Variants in KLHDC4 observed in about 807,000 individuals in gnomAD.
KLHDC4 encodes the protein kelch domain-containing protein 4.
KLHDC4 carries 90 observed loss-of-function variants against 62.4 expected under a neutral mutation model. The ratio of observed to expected loss-of-function variants is 1.44; its 90% CI spans 1.22 to 1.72. The LOEUF (loss-of-function observed/expected upper bound fraction) is 1.72. KLHDC4 is among the 40% of genes most tolerant of loss of function. The probability of loss-of-function intolerance (pLI) is 0.00; values close to 1 mark genes in which losing one functional copy is unlikely to be tolerated. For synonymous variants in KLHDC4, 386 were observed against 284.4 expected, an observed-to-expected ratio of 1.36 and a Z score of -3.59; for missense variants, 1,025 against 699.7, an observed-to-expected ratio of 1.47 and a Z score of -5.25.
At chr16:87,707,620 G>GA (rs2034909372), downstream of KLHDC4, among the ~76,000 whole-genome samples, 3 of 152,202 alleles carry the variant, frequency 2.0e-5, no homozygotes, top group African/African-American at 7.2e-5. Flanking sequence ...TTTGCAGAAG[G>GA]AAAGGCTCAC....
chr16:87,763,169 A>AC (rs1471317636), intron 1 of KLHDC4, among the ~76,000 whole-genome samples: 3 of 152,228 alleles, frequency 2.0e-5, no homozygotes, highest in Non-Finnish European at 2.9e-5. Flanking sequence ...ATAAAGTGTC[A>AC]CCCACATGTA....
At chr16:87,714,398 G>T in intron 8 of KLHDC4, 100 bp downstream of exon 8, 1 of 1,479,096 alleles carries the variant, frequency 6.8e-7, no homozygotes, top group Non-Finnish European at 9.0e-7. Context: ...GCAGGGTGCA[G>T]GGGCTCACCG....
chr16:87,716,911 G>T (rs543765045), intron 7 of KLHDC4, among the ~76,000 whole-genome samples: 8 of 152,198 alleles, frequency 5.3e-5, no homozygotes, highest in Admixed American at 3.9e-4. Context: ...CAGCCTGGGC[G>T]ACAGAGCGAG....
exon 1 of KLHDC4, chr16:87,701,383 A>G: frequency 3.1e-6 from 1 of 321,400 alleles, no homozygotes; most frequent in Non-Finnish European, 6.2e-6. Flanking sequence ...CCCAAGCTTC[A>G]GCCCACCCAT....
At chr16:87,701,645 C>A (rs1291355839) in exon 1 of KLHDC4, 1 of 452,860 alleles carries the variant, frequency 2.2e-6, no homozygotes. Context: ...TACCTCACTG[C>A]CACTCGTCCG....
intron 1 of KLHDC4, among the ~76,000 whole-genome samples, chr16:87,762,725 T>G (rs1428854565): frequency 6.6e-6 from 1 of 152,146 alleles, no homozygotes; most frequent in Admixed American, 6.5e-5. Flanking sequence ...GGTACTGATG[T>G]GCCAGCACAG....
At chr16:87,727,098 T>C (rs530072658) in intron 6 of KLHDC4, among the ~76,000 whole-genome samples, 174 bp from the exon 7 acceptor site, 65 of 152,296 alleles carry the variant, frequency 4.3e-4, no homozygotes, top group African/African-American at 1.5e-3. Flanking sequence ...ACGTGGCCGC[T>C]TTCCCTGCAA....
At chr16:87,736,200 G>A (rs1314862310) in intron 5 of KLHDC4, among the ~76,000 whole-genome samples, 1 of 152,136 alleles carries the variant, frequency 6.6e-6, no homozygotes, top group Admixed American at 6.5e-5. Flanking sequence ...ATGCTTATAG[G>A]CTACAAACCT....
At chr16:87,727,065 CCAACA>C in intron 6 of KLHDC4, 141 bp from the exon 7 acceptor site, 2 of 833,266 alleles carry the variant, frequency 2.4e-6, no homozygotes, top group Non-Finnish European at 3.7e-6. Flanking sequence ...TGCTCTTACA[CCAACA>C]CAACAATCAA....
chr16:87,703,340 C>T (rs554648305), downstream of KLHDC4: 2 of 151,854 alleles, frequency 1.3e-5, no homozygotes, highest in African/African-American at 4.8e-5. Context: ...TCTCCCCCAG[C>T]CCTGAGTCTC....
At position 87,708,045 on chromosome 16, in the gene KLHDC4, C is replaced by T. The variant is rs1597363758; in HGVS notation, c.*32G>A. On this transcript the variant is annotated 3_prime_UTR_variant, in exon 12 of 12. Coordinates refer to ENST00000270583, the MANE Select transcript of KLHDC4 (RefSeq NM_017566.4). ...GGGTCCTGGGCGGACGTGGGCACAG[C>T]ACTTGCCAGGCGCCCCTGGCAGGGG... 1.9e-6 allele frequency: 1 copy of T among 532,640 alleles called. No homozygotes were observed. The highest frequency in any genetic ancestry group is 1.9e-5 in the African/African-American group (1 of 53,120). 33.0% of individuals were successfully genotyped at this position (532,640 alleles called of 1,614,324 possible). A position where few individuals can be genotyped will look rare whatever the true frequency, so the allele number is the denominator to read the frequency against.
Position 87,709,315 on chromosome 16 carries a change from A to T in KLHDC4, c.1397T>A (p.Leu466Gln). The part of the protein sequence containing the change: ...RQVTLSDLHC[L>Q]DLHRMEAWKA... Reference sequence around the variant, plus strand: ...CCACGCCTCCATCCTGTGCAGGTCCAGGCAGTGCAGGTCGCTGAGGGTGAC... The same window carrying T: ...CCACGCCTCCATCCTGTGCAGGTCCTGGCAGTGCAGGTCGCTGAGGGTGAC... Residue 466 changes from leucine (L) to glutamine (Q), a missense_variant, in exon 10 of 12, where the codon CTG becomes CAG. Transcript: ENST00000270583. 6.2e-7 allele frequency: 1 copy of T among 1,613,270 alleles called. No homozygotes were observed. The highest frequency in any genetic ancestry group is 2.2e-5 in the East Asian group (1 of 44,886).
At chr16:87,735,040 C>A (rs947342501) in intron 5 of KLHDC4, among the ~76,000 whole-genome samples, 2 of 138,188 alleles carry the variant, frequency 1.4e-5, no homozygotes, top group East Asian at 2.1e-4. Context: ...GCCCCCTCCC[C>A]CCCAGACGAA....
downstream of KLHDC4, among the ~76,000 whole-genome samples, chr16:87,704,766 AAACACAAACC>A (rs891294770): frequency 3.4e-3 from 516 of 152,210 alleles, 4 homozygotes; most frequent in African/African-American, 0.011. Context: ...ATCTAAACAC[AAACACAAACC>A]AACTGCCTGG....
At chr16:87,754,924 C>T (rs561238850) in intron 4 of KLHDC4, among the ~76,000 whole-genome samples, 1 of 152,148 alleles carries the variant, frequency 6.6e-6, no homozygotes, top group South Asian at 2.1e-4. Flanking sequence ...AGCATTCTGC[C>T]AGTGGCTGCG....
chr16:87,729,148 C>G (rs901169472), intron 6 of KLHDC4, among the ~76,000 whole-genome samples: 1 of 152,088 alleles, frequency 6.6e-6, no homozygotes, highest in African/African-American at 2.4e-5. Flanking sequence ...ATTTGGATCC[C>G]TTTTCCCCCC....
At chr16:87,756,199 C>T (rs1354457352) in intron 3 of KLHDC4, 200 bp downstream of exon 3, 5 of 487,990 alleles carry the variant, frequency 1.0e-5, no homozygotes, top group Non-Finnish European at 1.9e-5. Flanking sequence ...GAATAGAGAC[C>T]CCAGGACCAC....
At chr16:87,716,330 G>T (rs887997837) in intron 7 of KLHDC4, among the ~76,000 whole-genome samples, 3 of 151,974 alleles carry the variant, frequency 2.0e-5, no homozygotes, top group East Asian at 1.9e-4. Flanking sequence ...TGGTCTTGTG[G>T]ATATTGACGT....
intron 7 of KLHDC4, among the ~76,000 whole-genome samples, chr16:87,721,145 G>C (rs531467741): frequency 6.6e-6 from 1 of 152,332 alleles, no homozygotes; most frequent in African/African-American, 2.4e-5. Context: ...AGAAGGCCGG[G>C]CATAGTGGCT....
Sources: gnomAD v4.1 joint callset for allele counts (sites outside exome capture counted in the v4.1 genomes callset) on GRCh38, gnomAD v4.1.1 for gene constraint, MANE v1.5 for transcripts, NCBI Gene and HGNC (gene_info 2026-07-23, HGNC 2026-07-21) for gene names.